Variants in ATP2B2 observed in about 807,000 individuals in gnomAD.
The protein encoded by ATP2B2 is ATPase plasma membrane Ca2+ transporting 2.
Under a neutral mutation model 120.0 loss-of-function variants are expected in ATP2B2, and 15 were observed. That is an observed-to-expected ratio of 0.12 (90% CI 0.08 to 0.19). The LOEUF (loss-of-function observed/expected upper bound fraction) is 0.19, where lower values mean the gene tolerates loss of function less well. ATP2B2 is among the 10% of genes least tolerant of loss of function. ATP2B2 has a pLI of 1.00. For synonymous variants in ATP2B2, 694 were observed against 700.3 expected (o/e 0.99, Z 0.14); for missense variants, 1,045 against 1,719.8 (o/e 0.61, Z 6.94).
chr3:10,581,794 C>T (rs1006656346), intron 2 of ATP2B2, among the ~76,000 whole-genome samples: 2 of 152,210 alleles, frequency 1.3e-5, no homozygotes, highest in East Asian at 1.9e-4. Context: ...TCAATTTCCT[C>T]ATCTGTAAAA....
At position 10,337,535 on chromosome 3, in the gene ATP2B2, G is replaced by A. The variant is rs1164571776; in HGVS notation, c.3420+641C>T. 4.6e-5 allele frequency among the ~76,000 whole-genome samples: 7 copies of A among 152,138 alleles called. No individual in the cohort carries two copies. The East Asian group carries it at 9.6e-4, about 21-fold the overall frequency. On this transcript the variant is annotated intron_variant, in intron 22 of 22. Transcript: ENST00000360273. ...GTCGGGGGAGGCGCGCAGGTGTGTC[G>A]TGTGCCACGTGGCAGCCATGCTCTC...
chr3:10,411,368 T>G (rs1207098676), intron 2 of ATP2B2, among the ~76,000 whole-genome samples: 1 of 152,146 alleles, frequency 6.6e-6, no homozygotes, highest in Non-Finnish European at 1.5e-5. Flanking sequence ...CATGAGAGAA[T>G]AAAATTCCCT....
intron 1 of ATP2B2, among the ~76,000 whole-genome samples, chr3:10,649,464 G>C (rs560269927): frequency 6.6e-6 from 1 of 152,162 alleles, no homozygotes; most frequent in Non-Finnish European, 1.5e-5. Context: ...CAATTTCTCT[G>C]ATCCAGCTCT....
chr3:10,337,078 G>A (rs1230418687), intron 22 of ATP2B2, among the ~76,000 whole-genome samples: 3 of 152,184 alleles, frequency 2.0e-5, no homozygotes, highest in African/African-American at 4.8e-5. Flanking sequence ...GTCTGAAACC[G>A]GCTTCCAGTC....
intron 16 of ATP2B2, among the ~76,000 whole-genome samples, chr3:10,349,808 A>G (rs914603665): frequency 6.6e-6 from 1 of 152,192 alleles, no homozygotes; most frequent in Non-Finnish European, 1.5e-5. Flanking sequence ...TACCGGCCAC[A>G]TAGAACACGT....
chr3:10,653,834 C>T (rs1032964532), intron 1 of ATP2B2, among the ~76,000 whole-genome samples: 4 of 152,184 alleles, frequency 2.6e-5, no homozygotes, highest in Non-Finnish European at 4.4e-5. Flanking sequence ...GCAGACCCTA[C>T]AGCACTTTTT....
intron 2 of ATP2B2, among the ~76,000 whole-genome samples, chr3:10,573,709 A>G (rs937640541): frequency 6.6e-5 from 10 of 152,318 alleles, no homozygotes; most frequent in East Asian, 5.8e-4. Flanking sequence ...AGACTCTGAG[A>G]GCAACGCCAT....
chr3:10,507,306 C>T (rs1325974506), upstream of ATP2B2, among the ~76,000 whole-genome samples: 5 of 152,108 alleles, frequency 3.3e-5, no homozygotes, highest in African/African-American at 7.2e-5. Flanking sequence ...CTTCATCTTG[C>T]GGGTGCAGAT....
intron 2 of ATP2B2, among the ~76,000 whole-genome samples, chr3:10,428,181 G>A (rs977728231): frequency 2.0e-5 from 3 of 152,306 alleles, no homozygotes; most frequent in South Asian, 2.1e-4. Flanking sequence ...CTGAAAAAAG[G>A]GGATTATACT....
chr3:10,487,061 G>A (rs1469235748), intron 1 of ATP2B2, among the ~76,000 whole-genome samples: 1 of 152,140 alleles, frequency 6.6e-6, no homozygotes, highest in African/African-American at 2.4e-5. Flanking sequence ...TTATTAATGA[G>A]AACTCCTCTG....
rs756937289 is a variant in ATP2B2, at chr3:10,375,423, CT to C, written c.1416+6del. 8 of 1,609,488 alleles carry C rather than the reference CT, an allele frequency of 5.0e-6. No homozygotes were observed. Among genetic ancestry groups the C allele is most frequent in the Non-Finnish European group, 6.8e-6 (8 of 1,178,392 alleles). ...AGCCGGCTGGTCCTGCTCTCCTCCC[CT>C]CTCACCTTCACCGAATAGGCCAACG... On this transcript the variant is annotated splice_donor_region_variant and intron_variant, in intron 11 of 22. Coordinates refer to ENST00000360273, the MANE Select transcript of ATP2B2 (RefSeq NM_001001331.4). The surrounding 1 kb of genome is among the most constrained non-coding windows in gnomAD (Gnocchi z 4.2).
Position 10,329,241 on chromosome 3 carries a change from A to G in ATP2B2, c.3421-116T>C, listed in dbSNP as rs2059917963. On this transcript the variant is annotated intron_variant, in intron 22 of 22. Coordinates refer to ENST00000360273, the MANE Select transcript of ATP2B2 (RefSeq NM_001001331.4). The surrounding 1 kb of genome is among the most constrained non-coding windows in gnomAD (Gnocchi z 5.9). ...AGGGCAAAGCAGGTGGCTGGAATCCATAGTCGCTGGGTGTTATTAGCATTG... is the reference window on the plus strand; with the variant it reads ...AGGGCAAAGCAGGTGGCTGGAATCCGTAGTCGCTGGGTGTTATTAGCATTG... 2 of 1,032,082 alleles carry G rather than the reference A, an allele frequency of 1.9e-6. No homozygotes were observed. The highest frequency in any genetic ancestry group is 3.1e-5 in the African/African-American group (2 of 63,938). 63.9% of individuals were successfully genotyped at this position (1,032,082 alleles called of 1,614,324 possible). A position where few individuals can be genotyped will look rare whatever the true frequency, so the allele number is the denominator to read the frequency against.
chr3:10,414,225 A>T (rs971669188), intron 2 of ATP2B2, among the ~76,000 whole-genome samples: 1 of 152,196 alleles, frequency 6.6e-6, no homozygotes, highest in African/African-American at 2.4e-5. Context: ...GGAGTCTCTG[A>T]ACCTTCTGAG....
In ATP2B2 at chr3:10,477,501, G is replaced by A. The variant is rs1222194360; in HGVS notation, c.-319-27639C>T. Among the ~76,000 whole-genome samples, 3 of 152,120 alleles carry A rather than the reference G, an allele frequency of 2.0e-5. No homozygotes were observed. The East Asian group carries it at 5.8e-4, about 29-fold the overall frequency. Reference sequence around the variant, plus strand: ...CCATCTCCACAACCCATCTCAGAACGTTTTCCTCTTCCCAAACTGAAGTTC... The same window carrying A: ...CCATCTCCACAACCCATCTCAGAACATTTTCCTCTTCCCAAACTGAAGTTC... On this transcript the variant is annotated intron_variant, in intron 1 of 22. Transcript: ENST00000360273.
intron 3 of ATP2B2, among the ~76,000 whole-genome samples, chr3:10,533,582 C>T (rs893610785): frequency 4.6e-5 from 7 of 152,186 alleles, no homozygotes; most frequent in Non-Finnish European, 1.5e-5. Flanking sequence ...AGTAAGCCCA[C>T]CTGACTACCC....
chr3:10,559,806 T>C (rs1325986948), intron 2 of ATP2B2, among the ~76,000 whole-genome samples: 2 of 152,206 alleles, frequency 1.3e-5, no homozygotes, highest in Non-Finnish European at 2.9e-5. Context: ...TCTGCACGTG[T>C]TCCTTCCGCG....
At chr3:10,572,019 C>G (rs1305319399) in intron 2 of ATP2B2, among the ~76,000 whole-genome samples, 1 of 152,222 alleles carries the variant, frequency 6.6e-6, no homozygotes, top group Non-Finnish European at 1.5e-5. Flanking sequence ...CTCTGTCCAA[C>G]AGAACAAGGT....
intron 1 of ATP2B2, among the ~76,000 whole-genome samples, chr3:10,451,628 G>A (rs2064054791): frequency 6.6e-6 from 1 of 152,092 alleles, no homozygotes. Context: ...TTTACACTGG[G>A]ACTAACAGAT....
chr3:10,509,472 G>A (rs1485296217), upstream of ATP2B2, among the ~76,000 whole-genome samples: 1 of 152,124 alleles, frequency 6.6e-6, no homozygotes, highest in Non-Finnish European at 1.5e-5. Context: ...CACCCTCAAA[G>A]AGCCCAGGCT....
Sources: gnomAD v4.1 joint callset for allele counts (sites outside exome capture counted in the v4.1 genomes callset) on GRCh38, gnomAD v4.1.1 for gene constraint, Gnocchi (gnomAD v3.1) non-coding constraint, MANE v1.5 for transcripts, NCBI Gene and HGNC (gene_info 2026-07-23, HGNC 2026-07-21) for gene names.